Variants in AGAP1 observed in about 807,000 individuals in gnomAD.
The protein encoded by AGAP1 is arf-GAP with GTPase, ANK repeat and PH domain-containing protein 1.
AGAP1 carries 29 observed loss-of-function variants against 105.3 expected under a neutral mutation model. The ratio of observed to expected loss-of-function variants is 0.28; its 90% CI spans 0.21 to 0.38. The LOEUF (loss-of-function observed/expected upper bound fraction) is 0.38, where lower values mean the gene tolerates loss of function less well. Among genes scored for constraint, AGAP1 ranks in the 10% least tolerant of loss-of-function variants. The pLI is 1.00. For synonymous variants in AGAP1, 509 were observed against 485.9 expected (o/e 1.05, Z -0.63); for missense variants, 998 against 1,165.1 (o/e 0.86, Z 2.09).
In AGAP1 at chr2:235,926,851, A is replaced by G. The variant is rs114102086; in HGVS notation, c.1325-3914A>G. Among the ~76,000 whole-genome samples, 1,153 of 152,242 alleles carry G rather than the reference A, an allele frequency of 7.6e-3. 12 individuals are homozygous for G. Among genetic ancestry groups the G allele is most frequent in the African/African-American group, 0.026 (1,070 of 41,540 alleles). On this transcript the variant is annotated intron_variant, in intron 11 of 17. Coordinates refer to ENST00000304032, the MANE Select transcript of AGAP1 (RefSeq NM_001037131.3). Reference sequence around the variant, plus strand: ...GAACCCACTCAGATCCTTCAGACAGATCCAGAGAGAGAGGCTGTCAGCTCT... The same window carrying G: ...GAACCCACTCAGATCCTTCAGACAGGTCCAGAGAGAGAGGCTGTCAGCTCT...
At position 235,893,393 on chromosome 2, in the gene AGAP1, G is replaced by A. The variant is rs184995027; in HGVS notation, c.1155+9944G>A. 4.6e-3 allele frequency among the ~76,000 whole-genome samples: 697 copies of A among 151,328 alleles called. 7 individuals carry two copies. The highest frequency in any genetic ancestry group is 0.015 in the African/African-American group (621 of 41,192). On this transcript the variant is annotated intron_variant, in intron 10 of 17. Transcript: ENST00000304032. This position sits in a 1 kb window ranked among gnomAD's most constrained non-coding sequence, Gnocchi z 4.7. ...CATAGGGGTGTGCTGTGTCTGTGGCGTGGGTGTAGCGTGTCTTTGGTGTGG... is the reference window on the plus strand; with the variant it reads ...CATAGGGGTGTGCTGTGTCTGTGGCATGGGTGTAGCGTGTCTTTGGTGTGG...
chr2:235,687,714 T>C (rs957553967), intron 1 of AGAP1, among the ~76,000 whole-genome samples: 2 of 152,302 alleles, frequency 1.3e-5, no homozygotes, highest in South Asian at 2.1e-4. Flanking sequence ...ATCAGACTTA[T>C]CTTCTTCGCA....
At chr2:236,108,608 G>A (rs909927397) in intron 16 of AGAP1, among the ~76,000 whole-genome samples, 16 of 152,242 alleles carry the variant, frequency 1.1e-4, no homozygotes, top group African/African-American at 3.9e-4. Flanking sequence ...TGGCCTTTTC[G>A]CACTGGAAGA....
Position 236,046,929 on chromosome 2 carries a change from T to C in AGAP1, c.1892-2130T>C, listed in dbSNP as rs1054348602. 6.6e-6 allele frequency among the ~76,000 whole-genome samples: 1 copy of C among 152,154 alleles called. No homozygotes were observed. ...AGGAGGATTGCTTGAGCCCAGTGGT[T>C]GAAGCCTGGGCAACATAGCAAGACC... On this transcript the variant is annotated intron_variant, in intron 15 of 17. Transcript: ENST00000304032. This position sits in a 1 kb window ranked among gnomAD's most constrained non-coding sequence, Gnocchi z 5.2.
At position 235,728,399 on chromosome 2, in the gene AGAP1, T is replaced by A. The variant is rs949264251; in HGVS notation, c.310+10755T>A. ...ATCTGCAAAAGATGACAGTTTCATA[T>A]GATTCCAATGGCTTAAACTAACAAA... is the stretch of plus-strand genomic sequence containing the variant. On this transcript the variant is annotated intron_variant, in intron 3 of 17. Coordinates refer to ENST00000304032, the MANE Select transcript of AGAP1 (RefSeq NM_001037131.3). This position sits in a 1 kb window ranked among gnomAD's most constrained non-coding sequence, Gnocchi z 4.3. Among the ~76,000 whole-genome samples, 2 of 152,126 alleles carry A rather than the reference T, an allele frequency of 1.3e-5. No individual in the cohort carries two copies. Among genetic ancestry groups the A allele is most frequent in the African/African-American group, 4.8e-5 (2 of 41,394 alleles).
At chr2:235,671,231 T>C (rs1948404944) in intron 1 of AGAP1, among the ~76,000 whole-genome samples, 1 of 152,202 alleles carries the variant, frequency 6.6e-6, no homozygotes. Flanking sequence ...CTGGGTTTTC[T>C]GGCTGCCCCT....
intron 1 of AGAP1, among the ~76,000 whole-genome samples, chr2:235,617,045 G>A (rs925430474): frequency 7.9e-5 from 12 of 151,804 alleles, no homozygotes. Context: ...CACATTTTAT[G>A]AATTTGCTGT....
rs1045244892 is a variant in AGAP1, at chr2:236,014,169, A to G, written c.1646-22392A>G. 6.6e-6 allele frequency among the ~76,000 whole-genome samples: 1 copy of G among 152,014 alleles called. No homozygotes were observed. The highest frequency in any genetic ancestry group is 1.5e-5 in the Non-Finnish European group (1 of 67,990). ...GGTGGCATTTGCTCTTCTGGTTCCT[A>G]GGAGCTCCATTTAGAGCCGTAACTC... On this transcript the variant is annotated intron_variant, in intron 13 of 17. Coordinates refer to ENST00000304032, the MANE Select transcript of AGAP1 (RefSeq NM_001037131.3). This position sits in a 1 kb window ranked among gnomAD's most constrained non-coding sequence, Gnocchi z 6.3.
rs568165665 is a variant in AGAP1 at position 235,696,441 on chromosome 2, G to T, written c.164-12738G>T. Among the ~76,000 whole-genome samples, 49 of 152,168 alleles carry T rather than the reference G, an allele frequency of 3.2e-4. 1 individual carries two copies. Among genetic ancestry groups the T allele is most frequent in the Non-Finnish European group, 6.5e-4 (44 of 68,026 alleles). ...GTGTGAGGTCCCAGGGTGCACAGTGGACATTTCAGTGTGAAGGGCGGGTCG... is the reference window on the plus strand; with the variant it reads ...GTGTGAGGTCCCAGGGTGCACAGTGTACATTTCAGTGTGAAGGGCGGGTCG... On this transcript the variant is annotated intron_variant, in intron 1 of 17. Transcript: ENST00000304032.
Position 235,887,804 on chromosome 2 carries a change from A to G in AGAP1, c.1155+4355A>G, listed in dbSNP as rs2050340287. 6.6e-6 allele frequency among the ~76,000 whole-genome samples: 1 copy of G among 152,222 alleles called. No individual in the cohort carries two copies. Among genetic ancestry groups the G allele is most frequent in the Admixed American group, 6.5e-5 (1 of 15,292 alleles). ...AAGCCCAGGTAATTAGTGGACTAAAAAGGAAACTAGCATGCTTTTGGGGAG... is the reference window on the plus strand; with the variant it reads ...AAGCCCAGGTAATTAGTGGACTAAAGAGGAAACTAGCATGCTTTTGGGGAG... On this transcript the variant is annotated intron_variant, in intron 10 of 17. Coordinates refer to ENST00000304032, the MANE Select transcript of AGAP1 (RefSeq NM_001037131.3). This position sits in a 1 kb window ranked among gnomAD's most constrained non-coding sequence, Gnocchi z 4.1.
intron 8 of AGAP1, among the ~76,000 whole-genome samples, chr2:235,805,886 G>A (rs758521753): frequency 6.6e-6 from 1 of 152,214 alleles, no homozygotes; most frequent in Non-Finnish European, 1.5e-5. Context: ...TGCTTGGCAC[G>A]TAGTAGGTGT....
rs1331844560 is a variant in AGAP1, at chr2:236,002,156, G to C, written c.1645+33533G>C. Among the ~76,000 whole-genome samples the C allele has an allele frequency of 6.6e-6, 1 of 152,176 alleles. No individual in the cohort carries two copies. Among genetic ancestry groups the C allele is most frequent in the Non-Finnish European group, 1.5e-5 (1 of 68,042 alleles). On this transcript the variant is annotated intron_variant, in intron 13 of 17. Transcript: ENST00000304032. This position sits in a 1 kb window ranked among gnomAD's most constrained non-coding sequence, Gnocchi z 4.3. ...CCCCGCACAAGCAGTGCTACCAAGG[G>C]TCCATTTGTTACTGAGTCATTCATT...
Position 236,127,496 on chromosome 2 carries a change from G to A in AGAP1, c.*3374G>A, listed in dbSNP as rs956520303. The stretch of plus-strand genomic sequence containing the variant: ...GCAGGGTTCTCAGACACAGGAGAGA[G>A]CGGGATCTTAATGAATTGCATTTCC... On this transcript the variant is annotated 3_prime_UTR_variant, in exon 18 of 18. Transcript: ENST00000304032. This position sits in a 1 kb window ranked among gnomAD's most constrained non-coding sequence, Gnocchi z 6.6. The A allele has an allele frequency of 6.6e-6, 1 of 152,332 alleles. No homozygotes were observed. Among genetic ancestry groups the A allele is most frequent in the Non-Finnish European group, 1.5e-5 (1 of 68,144 alleles). The allele number at this position is 152,332 out of a possible 1,614,324, so 9.4% of individuals were successfully genotyped here.
In AGAP1 at chr2:236,036,314, T is replaced by G. The variant is rs2057380047; in HGVS notation, c.1646-247T>G. 6.6e-6 allele frequency among the ~76,000 whole-genome samples: 1 copy of G among 152,202 alleles called. No individual in the cohort carries two copies. The highest frequency in any genetic ancestry group is 2.1e-4 in the South Asian group (1 of 4,834). On this transcript the variant is annotated intron_variant, in intron 13 of 17. Transcript: ENST00000304032. This position sits in a 1 kb window ranked among gnomAD's most constrained non-coding sequence, Gnocchi z 5.7. ...AGAGACGCTGACATCACTCGTTGAT[T>G]TCATCTGGCCTTGTGCCCTGAGCCT...
rs1273414795 is a variant in AGAP1 at position 235,550,250 on chromosome 2, C to T, written c.163+55401C>T. The stretch of plus-strand genomic sequence containing the variant: ...CACCTCCTCGTCACAGTGTTCTCCG[C>T]AGCCCTGACTGGCGAGGAGGGCACG... On this transcript the variant is annotated intron_variant, in intron 1 of 17. Transcript: ENST00000304032. The surrounding 1 kb of genome is among the most constrained non-coding windows in gnomAD (Gnocchi z 4.6). Among the ~76,000 whole-genome samples the T allele has an allele frequency of 1.3e-5, 2 of 152,188 alleles. No homozygotes were observed. Among genetic ancestry groups the T allele is most frequent in the Non-Finnish European group, 2.9e-5 (2 of 68,022 alleles).
chr2:235,867,876 A>C lies in AGAP1; in HGVS notation c.1051-15469A>C, dbSNP rs892039309. 2.5e-4 allele frequency among the ~76,000 whole-genome samples: 38 copies of C among 151,894 alleles called. No homozygotes were observed. The highest frequency in any genetic ancestry group is 5.4e-4 in the Non-Finnish European group (37 of 67,988). Reference sequence around the variant, plus strand: ...TCCAATGATGACATTCCATCCACCCACCACCCACCCAGATGCGCTTCTCTA... The same window carrying C: ...TCCAATGATGACATTCCATCCACCCCCCACCCACCCAGATGCGCTTCTCTA... On this transcript the variant is annotated intron_variant, in intron 9 of 17. Transcript: ENST00000304032. This position sits in a 1 kb window ranked among gnomAD's most constrained non-coding sequence, Gnocchi z 5.4.
At chr2:235,995,776 G>A (rs1430140664) in intron 13 of AGAP1, among the ~76,000 whole-genome samples, 1 of 152,186 alleles carries the variant, frequency 6.6e-6, no homozygotes, top group East Asian at 1.9e-4. Context: ...ATCACTGCAA[G>A]CTGTGGCCTG....
intron 6 of AGAP1, among the ~76,000 whole-genome samples, chr2:235,795,856 T>C (rs1957219755): frequency 6.6e-6 from 1 of 152,200 alleles, no homozygotes; most frequent in African/African-American, 2.4e-5. Flanking sequence ...AAATATTCTC[T>C]TTACTCATGA....
chr2:235,997,148 G>A (rs965720610), intron 13 of AGAP1, among the ~76,000 whole-genome samples: 10 of 152,140 alleles, frequency 6.6e-5, no homozygotes, highest in African/African-American at 2.4e-4. Context: ...GTAGTGCCAC[G>A]GCGCAATCTC....
Sources: gnomAD v4.1 joint callset for allele counts (sites outside exome capture counted in the v4.1 genomes callset) on GRCh38, gnomAD v4.1.1 for gene constraint, Gnocchi (gnomAD v3.1) non-coding constraint, MANE v1.5 for transcripts, NCBI Gene and HGNC (gene_info 2026-07-23, HGNC 2026-07-21) for gene names.